HPF1: variants seen among roughly 807,000 people sequenced by gnomAD.
HPF1 encodes UPF0609 protein C4orf27.
Under a neutral mutation model 38.8 loss-of-function variants are expected in HPF1, and 35 were observed. That is an observed-to-expected ratio of 0.90 (90% confidence interval 0.69 to 1.19). The LOEUF is 1.19. HPF1 is among the 50% of genes most tolerant of loss of function. The pLI is 0.00. For missense variants in HPF1, 367 were observed against 405.8 expected (o/e 0.90, Z 0.82); for synonymous variants, 115 against 139.2 (o/e 0.83, Z 1.22).
At chr4:169,740,482 G>A (rs1193034488) in intron 5 of HPF1, among the ~76,000 whole-genome samples, 1 of 152,112 alleles carries the variant, frequency 6.6e-6, no homozygotes, top group Non-Finnish European at 1.5e-5. Flanking sequence ...ATATGCTTAC[G>A]CTCACACACA....
Position 169,757,840 on chromosome 4 carries a change from T to C in HPF1, c.38A>G (p.Glu13Gly), listed in dbSNP as rs751039514. Reference sequence around the variant, plus strand: ...CCTTTCCGGCAGTACCTGCGGCCCCTCTCCGCCGGGCCTGCGCTTCCCGCC... The same window carrying C: ...CCTTTCCGGCAGTACCTGCGGCCCCCCTCCGCCGGGCCTGCGCTTCCCGCC... ...GGGGKRRPGG[E>G]GPQCEKTTDV... is the part of the protein sequence containing the mutation. The change falls in exon 1 of 8, where the codon GAG (glutamate) becomes GGG (glycine). Residue 13 changes from glutamate to glycine, a missense_variant. Transcript: ENST00000393381. 1.3e-6 allele frequency: 2 copies of C among 1,562,678 alleles called. No homozygotes were observed. The highest frequency in any genetic ancestry group is 1.7e-6 in the Non-Finnish European group (2 of 1,160,996).
intron 4 of HPF1, among the ~76,000 whole-genome samples, chr4:169,748,318 A>C (rs956983732): frequency 3.9e-5 from 6 of 152,082 alleles, no homozygotes; most frequent in Non-Finnish European, 7.4e-5. Flanking sequence ...CTACCTGCAA[A>C]AGTCATGGAA....
intron 5 of HPF1, 119 bp downstream of exon 5, chr4:169,741,838 C>G: frequency 1.3e-6 from 1 of 791,930 alleles, no homozygotes; most frequent in Non-Finnish European, 2.0e-6. Flanking sequence ...CCCTAAGGGA[C>G]AGCATCCAGT....
At chr4:169,749,960 T>C in intron 3 of HPF1, among the ~76,000 whole-genome samples, 1 of 152,192 alleles carries the variant, frequency 6.6e-6, no homozygotes, top group East Asian at 1.9e-4. Flanking sequence ...TTCCTTCTAT[T>C]ACCTTACATT....
chr4:169,750,246 G>T (rs957983369), intron 3 of HPF1, among the ~76,000 whole-genome samples: 17 of 152,294 alleles, frequency 1.1e-4, no homozygotes, highest in Admixed American at 5.2e-4. Flanking sequence ...CTGGCACACG[G>T]CTTATTAAGC....
intron 6 of HPF1, among the ~76,000 whole-genome samples, chr4:169,733,136 C>T (rs1046642639): frequency 1.4e-4 from 21 of 152,170 alleles, no homozygotes; most frequent in Non-Finnish European, 2.5e-4. Flanking sequence ...AGAATTAAAC[C>T]TTTAACTAAA....
chr4:169,737,746 AC>A lies in HPF1; in HGVS notation c.649del (p.Val217LeufsTer2), dbSNP rs750549052. ...TVKMKQRDKK[V>X]VTKTFHGAGL... ...TGCACCATGAAAGGTCTTTGTCACA[AC>A]CTACATTAAAGAAAAGAATAAAATG... On this transcript the variant is annotated frameshift_variant and splice_region_variant, in exon 6 of 8. Transcript: ENST00000393381. LOFTEE classifies it high-confidence loss of function. 1.2e-6 allele frequency: 2 copies of A among 1,601,658 alleles called. No homozygotes were observed.
At chr4:169,742,825 G>C (rs1350964851) in intron 4 of HPF1, among the ~76,000 whole-genome samples, 5 of 151,700 alleles carry the variant, frequency 3.3e-5, no homozygotes, top group African/African-American at 1.2e-4. Context: ...CAGGGACCAG[G>C]CATGGTGGTC....
chr4:169,749,795 T>C (rs7690466), intron 3 of HPF1, among the ~76,000 whole-genome samples: 9,324 of 149,896 alleles, frequency 0.062, 972 homozygotes, highest in African/African-American at 0.22. Flanking sequence ...TTCACGTATA[T>C]AACCAAACCT....
rs746551040 is a variant in HPF1, at chr4:169,757,844, C to T, written c.34G>A (p.Gly12Arg). Reference protein sequence around the residue: ...VGGGGKRRPGGEGPQCEKTTD... With the variant: ...VGGGGKRRPGREGPQCEKTTD... ...TCCGGCAGTACCTGCGGCCCCTCTCCGCCGGGCCTGCGCTTCCCGCCACCG... is the reference window on the plus strand; with the variant it reads ...TCCGGCAGTACCTGCGGCCCCTCTCTGCCGGGCCTGCGCTTCCCGCCACCG... The change falls in exon 1 of 8, where the codon GGA becomes AGA. Residue 12 changes from glycine to arginine, a missense_variant. Coordinates refer to ENST00000393381, the MANE Select transcript of HPF1 (RefSeq NM_017867.3). 2 of 1,564,688 alleles carry T rather than the reference C, an allele frequency of 1.3e-6. No homozygotes were observed. Among genetic ancestry groups the T allele is most frequent in the Non-Finnish European group, 1.7e-6 (2 of 1,162,216 alleles).
intron 4 of HPF1, among the ~76,000 whole-genome samples, chr4:169,747,523 A>C (rs928048159): frequency 6.6e-6 from 1 of 152,208 alleles, no homozygotes; most frequent in African/African-American, 2.4e-5. Context: ...GTCAAAGAAA[A>C]GATAATCTAC....
intron 5 of HPF1, among the ~76,000 whole-genome samples, chr4:169,740,383 T>G (rs914342211): frequency 6.6e-6 from 1 of 152,216 alleles, no homozygotes; most frequent in African/African-American, 2.4e-5. Flanking sequence ...TCATAAAGAC[T>G]CTGCATTCCA....
intron 4 of HPF1, among the ~76,000 whole-genome samples, chr4:169,746,623 G>T (rs1440857155): frequency 6.6e-6 from 1 of 151,890 alleles, no homozygotes; most frequent in Non-Finnish European, 1.5e-5. Context: ...AAAATGTGTT[G>T]ATCAAAGGTA....
intron 6 of HPF1, among the ~76,000 whole-genome samples, chr4:169,737,088 A>G (rs1312101682): frequency 6.6e-6 from 1 of 152,164 alleles, no homozygotes; most frequent in African/African-American, 2.4e-5. Flanking sequence ...GTTCCCAAGA[A>G]GCAGGCAATG....
chr4:169,745,028 C>T (rs553148890), intron 4 of HPF1, among the ~76,000 whole-genome samples: 1 of 152,174 alleles, frequency 6.6e-6, no homozygotes, highest in Non-Finnish European at 1.5e-5. Context: ...GAAGGACAGG[C>T]ACAACCATGG....
intron 2 of HPF1, among the ~76,000 whole-genome samples, chr4:169,751,736 A>G: frequency 6.6e-6 from 1 of 152,258 alleles, no homozygotes; most frequent in East Asian, 1.9e-4. Flanking sequence ...GAATAGAAGC[A>G]TGGAGATAAC....
chr4:169,755,972 A>T (rs1645946734), intron 1 of HPF1, among the ~76,000 whole-genome samples: 1 of 152,232 alleles, frequency 6.6e-6, no homozygotes, highest in African/African-American at 2.4e-5. Context: ...GTAACAGTTT[A>T]TTATGCCAAG....
rs1733865338 is a variant in HPF1 at position 169,734,152 on chromosome 4, C to T, written c.737-2276G>A. Among the ~76,000 whole-genome samples, 4 of 152,268 alleles carry T rather than the reference C, an allele frequency of 2.6e-5. No individual in the cohort carries two copies. In the South Asian group the frequency reaches 8.3e-4, roughly 32 times the overall value. On this transcript the variant is annotated intron_variant, in intron 6 of 7. Transcript: ENST00000393381. ...AGTGACATATTTGTTGGTTTGAAACCTTTTACAAATTAAATTATTTTACAT... is the reference window on the plus strand; with the variant it reads ...AGTGACATATTTGTTGGTTTGAAACTTTTTACAAATTAAATTATTTTACAT...
At chr4:169,732,751 C>G (rs1733845714) in intron 6 of HPF1, among the ~76,000 whole-genome samples, 1 of 152,036 alleles carries the variant, frequency 6.6e-6, no homozygotes, top group African/African-American at 2.4e-5. Flanking sequence ...TTCGATTAAA[C>G]CAAGTGCGGA....
Sources: gnomAD v4.1 joint callset for allele counts (sites outside exome capture counted in the v4.1 genomes callset) on GRCh38, gnomAD v4.1.1 for gene constraint, MANE v1.5 for transcripts, NCBI Gene and HGNC (gene_info 2026-07-23, HGNC 2026-07-21) for gene names.